FRAS1: variants seen among roughly 807,000 people sequenced by gnomAD.
FRAS1 encodes extracellular matrix organizing protein FRAS1.
A neutral mutation model predicts 435.2 loss-of-function variants in FRAS1; 290 were observed. That is an observed-to-expected ratio of 0.67 (90% CI 0.61 to 0.73). The LOEUF (loss-of-function observed/expected upper bound fraction) is 0.73, where lower values mean the gene tolerates loss of function less well. FRAS1 is among the 30% of genes least tolerant of loss of function. The pLI, the probability that FRAS1 is intolerant of heterozygous loss-of-function variation, is 0.00. For synonymous variants in FRAS1, 1,800 were observed against 1,851.0 expected, an observed-to-expected ratio of 0.97 and a Z score of 0.71; for missense variants, 4,860 against 5,001.5, an observed-to-expected ratio of 0.97 and a Z score of 0.85.
rs567449536 is a variant in FRAS1 at position 78,216,575 on chromosome 4, G to A, written c.109-20935G>A. ...GAGAAGCAGAGGGGAACAGGTCATA[G>A]TTTATTTTCTCATTCCACAGATATC... is the stretch of plus-strand genomic sequence containing the variant. On this transcript the variant is annotated intron_variant, in intron 2 of 73. Coordinates refer to ENST00000512123, the MANE Select transcript of FRAS1 (RefSeq NM_025074.7). Among the ~76,000 whole-genome samples the A allele has an allele frequency of 2.6e-5, 4 of 152,324 alleles. No homozygotes were observed. In the South Asian group the frequency reaches 8.3e-4, roughly 32 times the overall value.
intron 2 of FRAS1, among the ~76,000 whole-genome samples, chr4:78,083,885 A>G (rs1741021145): frequency 6.6e-6 from 1 of 151,904 alleles, no homozygotes; most frequent in Admixed American, 6.6e-5. Context: ...TATCTAATTC[A>G]CTATTTAGAT....
chr4:78,212,946 A>G (rs1321377287), intron 2 of FRAS1, among the ~76,000 whole-genome samples: 1 of 152,194 alleles, frequency 6.6e-6, no homozygotes, highest in Non-Finnish European at 1.5e-5. Flanking sequence ...AGCCAATCCC[A>G]TGGGAGCTCT....
rs1740080770 is a variant in FRAS1, at chr4:78,067,193, C to A, written c.108+1177C>A. 2.0e-5 allele frequency among the ~76,000 whole-genome samples: 3 copies of A among 152,022 alleles called. No individual in the cohort carries two copies. The South Asian group carries it at 6.2e-4, about 32-fold the overall frequency. On this transcript the variant is annotated intron_variant, in intron 2 of 73. Coordinates refer to ENST00000512123, the MANE Select transcript of FRAS1 (RefSeq NM_025074.7). ...TTCATAAGTATTCATATGTCTGATA[C>A]TTATAATAGACCAATGAAATAGGCA... is the stretch of plus-strand genomic sequence containing the variant.
intron 2 of FRAS1, among the ~76,000 whole-genome samples, chr4:78,116,672 C>A (rs1477070653): frequency 6.6e-6 from 1 of 151,502 alleles, no homozygotes; most frequent in African/African-American, 2.4e-5. Context: ...TTTTTGTTTT[C>A]CATTTGCTTG....
chr4:78,396,108 T>G (rs1732651939), intron 29 of FRAS1, among the ~76,000 whole-genome samples: 1 of 152,128 alleles, frequency 6.6e-6, no homozygotes, highest in African/African-American at 2.4e-5. Context: ...TATCTCCAAT[T>G]GCATACAAAA....
At chr4:78,472,080 T>A in intron 51 of FRAS1, 100 bp from the exon 52 acceptor site, 2 of 1,216,118 alleles carry the variant, frequency 1.6e-6, no homozygotes, top group Non-Finnish European at 2.4e-6. Flanking sequence ...GTAAATACAC[T>A]CAGTAAATCA....
At chr4:78,387,301 C>T in intron 28 of FRAS1, 74 bp from the exon 29 acceptor site, 1 of 1,087,190 alleles carries the variant, frequency 9.2e-7, no homozygotes, top group Non-Finnish European at 1.3e-6. Context: ...ATAGGAATAA[C>T]AATCAGGTAT....
intron 27 of FRAS1, among the ~76,000 whole-genome samples, chr4:78,381,537 G>T (rs896287908): frequency 2.6e-5 from 4 of 152,288 alleles, no homozygotes; most frequent in African/African-American, 9.6e-5. Context: ...TGATCTGCCT[G>T]CCTTGGCCTC....
intron 2 of FRAS1, among the ~76,000 whole-genome samples, chr4:78,225,283 G>T (rs575425007): frequency 2.0e-5 from 3 of 152,136 alleles, no homozygotes; most frequent in Non-Finnish European, 4.4e-5. Flanking sequence ...CTTGCTTATG[G>T]TTCTGGAATT....
At chr4:78,534,332 C>T in intron 70 of FRAS1, 117 bp from the exon 71 acceptor site, 2 of 724,602 alleles carry the variant, frequency 2.8e-6, no homozygotes, top group East Asian at 5.3e-5. Flanking sequence ...ATATTTAGTG[C>T]CCACAACAAA....
chr4:78,257,196 C>G lies in FRAS1; in HGVS notation c.603+1821C>G, dbSNP rs550722289. Among the ~76,000 whole-genome samples the G allele has an allele frequency of 2.6e-5, 4 of 152,292 alleles. No homozygotes were observed. In the South Asian group the frequency reaches 6.2e-4, roughly 24 times the overall value. On this transcript the variant is annotated intron_variant, in intron 6 of 73. Coordinates refer to ENST00000512123, the MANE Select transcript of FRAS1 (RefSeq NM_025074.7). Reference sequence around the variant, plus strand: ...AAGTAACTTGCTCAAAGTGTCAGCACTTTTAACCTAAACTGTTCTACATTG... The same window carrying G: ...AAGTAACTTGCTCAAAGTGTCAGCAGTTTTAACCTAAACTGTTCTACATTG...
intron 47 of FRAS1, among the ~76,000 whole-genome samples, chr4:78,458,959 G>A (rs772507536): frequency 2.0e-5 from 3 of 152,318 alleles, no homozygotes; most frequent in South Asian, 2.1e-4. Context: ...CAAAGCAGGT[G>A]TTCTGATCAT....
intron 2 of FRAS1, among the ~76,000 whole-genome samples, chr4:78,224,862 A>G (rs1724202514): frequency 6.6e-6 from 1 of 152,144 alleles, no homozygotes; most frequent in South Asian, 2.1e-4. Context: ...ACATTTTAAA[A>G]TGTGGCTTGG....
chr4:78,226,036 G>C (rs1258903488), intron 2 of FRAS1, among the ~76,000 whole-genome samples: 2 of 151,818 alleles, frequency 1.3e-5, no homozygotes, highest in Non-Finnish European at 2.9e-5. Context: ...TAGTTTGTTA[G>C]TTAAACACAC....
At position 78,257,161 on chromosome 4, in the gene FRAS1, C is replaced by T. The variant is rs192286729; in HGVS notation, c.603+1786C>T. Among the ~76,000 whole-genome samples the T allele has an allele frequency of 1.3e-5, 2 of 152,288 alleles. 1 individual carries two copies. The highest frequency in any genetic ancestry group is 1.3e-4 in the Admixed American group (2 of 15,290). On this transcript the variant is annotated intron_variant, in intron 6 of 73. Transcript: ENST00000512123. ...TTCTATAGCTGATAAAACTGAGGTC[C>T]AGAGAGTGTAAGTAACTTGCTCAAA...
chr4:78,072,960 G>C (rs1222792534), intron 2 of FRAS1, among the ~76,000 whole-genome samples: 1 of 152,104 alleles, frequency 6.6e-6, no homozygotes, highest in African/African-American at 2.4e-5. Flanking sequence ...TCTCACCTGT[G>C]GATAGAAGGT....
At chr4:78,501,217 T>A (rs1036593146) in intron 61 of FRAS1, among the ~76,000 whole-genome samples, 1 of 152,162 alleles carries the variant, frequency 6.6e-6, no homozygotes, top group Admixed American at 6.5e-5. Flanking sequence ...ACGTGCAATG[T>A]TTGGTTTTCT....
chr4:78,111,865 A>G (rs1742734345), intron 2 of FRAS1, among the ~76,000 whole-genome samples: 1 of 152,114 alleles, frequency 6.6e-6, no homozygotes, highest in African/African-American at 2.4e-5. Flanking sequence ...AAGGAGAATA[A>G]AACACATAGG....
rs56657955 is a variant in FRAS1, at chr4:78,476,467, T to C, written c.7851+861T>C. On this transcript the variant is annotated intron_variant, in intron 54 of 73. Coordinates refer to ENST00000512123, the MANE Select transcript of FRAS1 (RefSeq NM_025074.7). ...TTATGGAGGGCACAATGTCTGACACTTAATTTTTTTTTCAAAGCAACTTTA... is the reference window on the plus strand; with the variant it reads ...TTATGGAGGGCACAATGTCTGACACCTAATTTTTTTTTCAAAGCAACTTTA... 7.7e-3 allele frequency among the ~76,000 whole-genome samples: 1,172 copies of C among 152,260 alleles called. 50 individuals are homozygous for C. The East Asian group carries it at 0.13, about 18-fold the overall frequency.
Sources: gnomAD v4.1 joint callset for allele counts (sites outside exome capture counted in the v4.1 genomes callset) on GRCh38, gnomAD v4.1.1 for gene constraint, MANE v1.5 for transcripts, NCBI Gene and HGNC (gene_info 2026-07-23, HGNC 2026-07-21) for gene names.